Variants in GRID2 observed in about 807,000 individuals in gnomAD.
GRID2 encodes glutamate ionotropic receptor delta type subunit 2, also known as glutamate receptor ionotropic, delta-2.
Under a neutral mutation model 114.8 loss-of-function variants are expected in GRID2, and 33 were observed. The ratio of observed to expected loss-of-function variants is 0.29; its 90% CI spans 0.22 to 0.38. The LOEUF is 0.38. Ranked by LOEUF, GRID2 falls within the 10% of genes least tolerant of loss-of-function variation. The pLI, the probability that GRID2 is intolerant of heterozygous loss-of-function variation, is 1.00. For synonymous variants in GRID2, 505 were observed against 449.9 expected (o/e 1.12, Z -1.55); for missense variants, 1,184 against 1,257.7 (o/e 0.94, Z 0.89).
At position 93,592,982 on chromosome 4, in the gene GRID2, G is replaced by A. The variant is rs1458883624; in HGVS notation, c.2194-33287G>A. ...ACGTGAGATGGGTTTCCTGAATACA[G>A]CACACTGATGGGTCTTGACTCTTTA... On this transcript the variant is annotated intron_variant, in intron 13 of 15. Coordinates refer to ENST00000282020, the MANE Select transcript of GRID2 (RefSeq NM_001510.4). 5.9e-5 allele frequency among the ~76,000 whole-genome samples: 9 copies of A among 151,464 alleles called. No homozygotes were observed. The East Asian group carries it at 1.6e-3, about 26-fold the overall frequency.
At chr4:93,262,087 TA>T (rs1750316280) in intron 8 of GRID2, among the ~76,000 whole-genome samples, 1 of 151,334 alleles carries the variant, frequency 6.6e-6, no homozygotes, top group Non-Finnish European at 1.5e-5. Context: ...AAATGTATAA[TA>T]AAAAATTAGC....
At chr4:92,565,192 A>G (rs1269422897) in intron 1 of GRID2, among the ~76,000 whole-genome samples, 2 of 152,032 alleles carry the variant, frequency 1.3e-5, no homozygotes, top group African/African-American at 4.8e-5. Flanking sequence ...AATTTTGATA[A>G]TATGTTGTAT....
Position 93,772,815 on chromosome 4 carries a change from A to G in GRID2, c.*317A>G, listed in dbSNP as rs542958893. 3.8e-6 allele frequency: 1 copy of G among 265,154 alleles called. No homozygotes were observed. The highest frequency in any genetic ancestry group is 5.0e-5 in the Admixed American group (1 of 20,058). 16.4% of individuals were successfully genotyped at this position (265,154 alleles called of 1,614,324 possible). A position where few individuals can be genotyped will look rare whatever the true frequency, so the allele number is the denominator to read the frequency against. ...AGTATAGGAAATGTGCACTGAGTAT[A>G]CTAAAAGTATATGCAGGATTAATTT... On this transcript the variant is annotated 3_prime_UTR_variant, in exon 16 of 16. Transcript: ENST00000282020.
Position 92,603,422 on chromosome 4 carries a change from A to G in GRID2, c.244+13136A>G, listed in dbSNP as rs531069926. 1.3e-3 allele frequency among the ~76,000 whole-genome samples: 199 copies of G among 152,226 alleles called. 1 individual carries two copies. The highest frequency in any genetic ancestry group is 2.2e-3 in the Non-Finnish European group (147 of 68,020). On this transcript the variant is annotated intron_variant, in intron 2 of 15. Coordinates refer to ENST00000282020, the MANE Select transcript of GRID2 (RefSeq NM_001510.4). ...TCTACAACCATTTGATCTTAAACAA[A>G]CCTGACACAAATAAGCAATGGGGAA...
Position 93,186,455 on chromosome 4 carries a change from T to A in GRID2, c.736-20949T>A, listed in dbSNP as rs912556789. Among the ~76,000 whole-genome samples the A allele has an allele frequency of 3.3e-5, 5 of 152,278 alleles. No individual in the cohort carries two copies. The South Asian group carries it at 1.0e-3, about 32-fold the overall frequency. On this transcript the variant is annotated intron_variant, in intron 4 of 15. Transcript: ENST00000282020. ...CCATTCTAACTGCACACCAATTTTT[T>A]AAATAAAATTTATTTTTATCAAAAT...
chr4:93,297,257 A>G (rs1220630043), intron 8 of GRID2, among the ~76,000 whole-genome samples: 1 of 152,242 alleles, frequency 6.6e-6, no homozygotes, highest in Non-Finnish European at 1.5e-5. Flanking sequence ...TGCTCAATAA[A>G]TATTGATGAA....
intron 4 of GRID2, among the ~76,000 whole-genome samples, chr4:93,117,795 A>G (rs1157357785): frequency 7.2e-5 from 11 of 152,190 alleles, no homozygotes; most frequent in African/African-American, 2.7e-4. Context: ...TAAGCTATGT[A>G]TAGGCAAGAG....
intron 5 of GRID2, among the ~76,000 whole-genome samples, chr4:93,208,426 C>G (rs966556864): frequency 5.3e-5 from 8 of 151,860 alleles, no homozygotes; most frequent in African/African-American, 1.9e-4. Context: ...ATCAGGTGCT[C>G]TTAACACAGT....
At chr4:93,126,749 T>C (rs935243658) in intron 4 of GRID2, among the ~76,000 whole-genome samples, 14 of 150,374 alleles carry the variant, frequency 9.3e-5, no homozygotes, top group South Asian at 2.1e-4. Flanking sequence ...AGGCGCCCGC[T>C]ACCACGCCCG....
intron 4 of GRID2, among the ~76,000 whole-genome samples, chr4:93,154,221 A>ATT (rs1040986360): frequency 4.6e-5 from 7 of 152,066 alleles, no homozygotes; most frequent in African/African-American, 1.7e-4. Context: ...CATTGCTTAC[A>ATT]TTAGTTGTTA....
chr4:92,878,137 T>G (rs1010496727), intron 2 of GRID2, among the ~76,000 whole-genome samples: 2 of 152,136 alleles, frequency 1.3e-5, no homozygotes, highest in Non-Finnish European at 2.9e-5. Flanking sequence ...CAAGAAGCAG[T>G]TAGATATCTA....
At chr4:92,759,996 C>T (rs538381305) in intron 2 of GRID2, among the ~76,000 whole-genome samples, 21 of 151,380 alleles carry the variant, frequency 1.4e-4, no homozygotes, top group East Asian at 4.0e-4. Flanking sequence ...GTAGTTTATA[C>T]GGCACATAGC....
At chr4:93,021,121 T>C (rs931481982) in intron 2 of GRID2, among the ~76,000 whole-genome samples, 2 of 152,042 alleles carry the variant, frequency 1.3e-5, no homozygotes, top group Admixed American at 6.6e-5. Context: ...AATTGATAAT[T>C]GATATTTCAG....
intron 2 of GRID2, among the ~76,000 whole-genome samples, chr4:92,598,783 A>T (rs530515558): frequency 1.8e-4 from 27 of 152,252 alleles, no homozygotes; most frequent in Admixed American, 1.6e-3. Context: ...ATCTAATTAC[A>T]TTTTAATGAT....
chr4:93,605,626 A>G (rs1166066088), intron 13 of GRID2, among the ~76,000 whole-genome samples: 1 of 152,202 alleles, frequency 6.6e-6, no homozygotes, highest in Non-Finnish European at 1.5e-5. Flanking sequence ...TGACCACGAG[A>G]AAGAAAGAAA....
chr4:93,749,098 C>T (rs1296870321), intron 14 of GRID2, among the ~76,000 whole-genome samples: 1 of 152,114 alleles, frequency 6.6e-6, no homozygotes, highest in South Asian at 2.1e-4. Flanking sequence ...TTTATTCCTC[C>T]TTCACTGTGT....
chr4:92,819,530 T>C (rs1741132010), intron 2 of GRID2, among the ~76,000 whole-genome samples: 1 of 152,152 alleles, frequency 6.6e-6, no homozygotes, highest in Non-Finnish European at 1.5e-5. Context: ...CTAAACTTCT[T>C]GAAATCTCTA....
At chr4:93,683,610 C>G (rs558796999) in intron 14 of GRID2, among the ~76,000 whole-genome samples, 3 of 152,170 alleles carry the variant, frequency 2.0e-5, no homozygotes, top group East Asian at 1.9e-4. Context: ...CATTACTGCC[C>G]TTTTCCTAAC....
intron 2 of GRID2, among the ~76,000 whole-genome samples, chr4:93,021,620 GTA>G (rs1723332605): frequency 1.4e-5 from 2 of 141,066 alleles, no homozygotes; most frequent in Non-Finnish European, 3.1e-5. Flanking sequence ...TTTATATATT[GTA>G]TATATTATCA....
Sources: allele counts gnomAD v4.1 joint callset (sites outside exome capture counted in the v4.1 genomes callset), GRCh38; gene constraint gnomAD v4.1.1; transcripts MANE v1.5; gene names NCBI Gene and HGNC (gene_info 2026-07-23, HGNC 2026-07-21).